The following RBFOX3 variants were observed in gnomAD, a reference collection of about 807,000 sequenced individuals.
RBFOX3 encodes RNA binding fox-1 homolog 3, also known as RNA binding protein fox-1 homolog 3.
Under a neutral mutation model 48.7 loss-of-function variants are expected in RBFOX3, and 17 were observed. The ratio of observed to expected loss-of-function variants is 0.35; its 90% CI spans 0.24 to 0.52. The LOEUF (loss-of-function observed/expected upper bound fraction) is 0.52, where lower values mean the gene tolerates loss of function less well. Ranked by LOEUF, RBFOX3 falls within the 20% of genes least tolerant of loss-of-function variation. The pLI, the probability that RBFOX3 is intolerant of heterozygous loss-of-function variation, is 0.94. For synonymous variants in RBFOX3, 212 were observed against 209.5 expected (o/e 1.01, Z -0.10); for missense variants, 382 against 497.5 (o/e 0.77, Z 2.21).
chr17:79,225,963 G>A (rs2060267066), intron 4 of RBFOX3, among the ~76,000 whole-genome samples: 1 of 152,186 alleles, frequency 6.6e-6, no homozygotes. Context: ...GGAGGGCAGA[G>A]GAGGGGGCTG....
At chr17:79,643,976 T>A in the RBFOX3 span, among the ~76,000 whole-genome samples, 1 of 152,214 alleles carries the variant, frequency 6.6e-6, no homozygotes, top group East Asian at 1.9e-4. Flanking sequence ...AGCTAAAAGA[T>A]GGTTCTTTGA....
intron 2 of RBFOX3, among the ~76,000 whole-genome samples, chr17:79,383,038 ACAC>A (rs2060125261): frequency 2.4e-5 from 2 of 84,306 alleles, no homozygotes; most frequent in Non-Finnish European, 5.8e-5. Flanking sequence ...TCAAACACAC[ACAC>A]ACACACACAC....
chr17:79,167,545 G>A (rs1341563930), intron 4 of RBFOX3, among the ~76,000 whole-genome samples: 2 of 152,150 alleles, frequency 1.3e-5, no homozygotes, highest in African/African-American at 4.8e-5. Context: ...CAGGCTTGGC[G>A]GGGTTGAGGA....
intron 4 of RBFOX3, among the ~76,000 whole-genome samples, chr17:79,136,880 C>A (rs188234199): frequency 9.2e-5 from 14 of 152,278 alleles, no homozygotes; most frequent in Admixed American, 8.5e-4. Flanking sequence ...CAGGGGCCAC[C>A]CCTCTCACAG....
chr17:79,301,668 T>A (rs186150710), intron 3 of RBFOX3, among the ~76,000 whole-genome samples: 16 of 152,240 alleles, frequency 1.1e-4, no homozygotes, highest in Non-Finnish European at 2.4e-4. Flanking sequence ...GCAGCAGCAC[T>A]ACTCCCAGTG....
chr17:79,425,942 G>A (rs1555725263), intron 2 of RBFOX3, among the ~76,000 whole-genome samples: 2 of 152,188 alleles, frequency 1.3e-5, no homozygotes, highest in African/African-American at 4.8e-5. Context: ...TGCGAGGCGA[G>A]GGCTCTCTCT....
In RBFOX3 at chr17:79,591,099, G is replaced by C. The variant is rs1019358931; in HGVS notation, c.-320+19727C>G. On this transcript the variant is annotated intron_variant, in intron 1 of 14. Transcript: ENST00000693108. ...CCCCTTCCTCCCAAGCCTGCTCACT[G>C]TTCCAGAAACAAGGAGTCCAGGAGA... Among the ~76,000 whole-genome samples, 3 of 152,208 alleles carry C rather than the reference G, an allele frequency of 2.0e-5. No homozygotes were observed. In the East Asian group the frequency reaches 5.8e-4, roughly 29 times the overall value.
At chr17:79,140,744 A>G (rs2144178047) in intron 4 of RBFOX3, among the ~76,000 whole-genome samples, 1 of 152,358 alleles carries the variant, frequency 6.6e-6, no homozygotes, top group East Asian at 1.9e-4. Context: ...AAAGGCCCGG[A>G]GAAGTTCCGC....
At position 79,578,399 on chromosome 17, in the gene RBFOX3, G is replaced by A. The variant is rs1014241571; in HGVS notation, c.-320+32427C>T. 2.6e-5 allele frequency among the ~76,000 whole-genome samples: 4 copies of A among 152,374 alleles called. No homozygotes were observed. In the East Asian group the frequency reaches 7.7e-4, roughly 29 times the overall value. On this transcript the variant is annotated intron_variant, in intron 1 of 14. Transcript: ENST00000693108. ...GGTGCCCACTGCCTGGTACCCCTTG[G>A]GGCAGGCTCCCTGCACATCCTCTTC...
intron 1 of RBFOX3, among the ~76,000 whole-genome samples, chr17:79,506,095 C>T (rs954720141): frequency 5.9e-5 from 9 of 152,304 alleles, no homozygotes; most frequent in Non-Finnish European, 1.2e-4. Context: ...GAGAAGTAAG[C>T]GTTTGAGGAA....
At chr17:79,564,249 C>T (rs1487047813) in intron 1 of RBFOX3, among the ~76,000 whole-genome samples, 3 of 152,248 alleles carry the variant, frequency 2.0e-5, no homozygotes, top group African/African-American at 7.2e-5. Flanking sequence ...TTGAACAGTC[C>T]TTCCCTATGC....
intron 6 of RBFOX3, among the ~76,000 whole-genome samples, chr17:79,105,097 C>G (rs1280431251): frequency 2.0e-5 from 3 of 152,244 alleles, no homozygotes; most frequent in Non-Finnish European, 4.4e-5. Flanking sequence ...TGTCCTGAAG[C>G]CTGCAGTGCA....
Position 79,368,227 on chromosome 17 carries a change from A to G in RBFOX3, c.-174-60403T>C, listed in dbSNP as rs565532126. Among the ~76,000 whole-genome samples, 189 of 152,280 alleles carry G rather than the reference A, an allele frequency of 1.2e-3. 1 individual carries two copies. The highest frequency in any genetic ancestry group is 2.5e-3 in the South Asian group (12 of 4,826). On this transcript the variant is annotated intron_variant, in intron 2 of 14. Coordinates refer to ENST00000693108, the MANE Select transcript of RBFOX3 (RefSeq NM_001350451.2). The stretch of plus-strand genomic sequence containing the variant: ...CAGCCGTGCCCACGTCATTCTGCAG[A>G]AGGGCTGAGCCTTATCTAAAGCAAA...
chr17:79,477,788 T>C lies in RBFOX3; in HGVS notation c.-175+4666A>G, dbSNP rs3803776. Among the ~76,000 whole-genome samples, 510 of 152,240 alleles carry C rather than the reference T, an allele frequency of 3.3e-3. 17 individuals carry two copies. The East Asian group carries it at 0.067, about 20-fold the overall frequency. ...AATATTTTCCAAATACATTTCTTAA[T>C]AGAAAAGGAATCACAGAAGTTTTTA... On this transcript the variant is annotated intron_variant, in intron 2 of 14. Coordinates refer to ENST00000693108, the MANE Select transcript of RBFOX3 (RefSeq NM_001350451.2). This position sits in a 1 kb window ranked among gnomAD's most constrained non-coding sequence, Gnocchi z 4.8.
At chr17:79,625,917 C>T in the RBFOX3 span, among the ~76,000 whole-genome samples, 1 of 152,222 alleles carries the variant, frequency 6.6e-6, no homozygotes, top group African/African-American at 2.4e-5. Context: ...CCCTTACCAC[C>T]AGCAGAAGCC....
chr17:79,166,219 C>G (rs893633152), intron 4 of RBFOX3, among the ~76,000 whole-genome samples: 7 of 151,806 alleles, frequency 4.6e-5, no homozygotes, highest in Non-Finnish European at 7.4e-5. Context: ...TCCAAGCAAA[C>G]ACCAGTGTGG....
intron 4 of RBFOX3, among the ~76,000 whole-genome samples, chr17:79,182,345 C>T (rs935670580): frequency 2.0e-5 from 3 of 152,278 alleles, no homozygotes; most frequent in Non-Finnish European, 4.4e-5. Flanking sequence ...AGAGACAGGC[C>T]CAGAGATGTG....
At chr17:79,116,294 C>T (rs756926288) in intron 4 of RBFOX3, among the ~76,000 whole-genome samples, 1 of 152,214 alleles carries the variant, frequency 6.6e-6, no homozygotes, top group Non-Finnish European at 1.5e-5. Context: ...ACAGGTGGAT[C>T]ACCTGAGGTC....
intron 2 of RBFOX3, among the ~76,000 whole-genome samples, chr17:79,399,228 C>A (rs1297112705): frequency 6.6e-6 from 1 of 152,184 alleles, no homozygotes; most frequent in Non-Finnish European, 1.5e-5. Flanking sequence ...TGTTTCCAGC[C>A]ACCCAGTCCG....
Sources: allele counts gnomAD v4.1 joint callset (sites outside exome capture counted in the v4.1 genomes callset), GRCh38; gene constraint gnomAD v4.1.1; non-coding constraint Gnocchi (gnomAD v3.1); transcripts MANE v1.5; gene names NCBI Gene and HGNC (gene_info 2026-07-23, HGNC 2026-07-21).